Variants in PAK3 observed in about 807,000 individuals in gnomAD.
PAK3 encodes serine/threonine-protein kinase PAK 3.
PAK3 carries 4 observed loss-of-function variants against 41.0 expected under a neutral mutation model. The observed-to-expected ratio is 0.10, with a 90% CI of 0.05 to 0.22. The LOEUF (loss-of-function observed/expected upper bound fraction) is 0.22. Ranked by LOEUF, PAK3 falls within the 10% of genes least tolerant of loss-of-function variation. PAK3 has a pLI of 1.00. For synonymous variants in PAK3, 146 were observed against 139.6 expected, an observed-to-expected ratio of 1.05 and a Z score of -0.32; for missense variants, 205 against 409.9, an observed-to-expected ratio of 0.50 and a Z score of 4.32.
chrX:110,962,616 G>C (rs960308844), intron 1 of PAK3, among the ~76,000 whole-genome samples: 1 of 112,516 alleles, frequency 8.9e-6, no homozygotes, highest in Non-Finnish European at 1.9e-5. Flanking sequence ...ATGCATCCCT[G>C]TGTGTGTTCT....
chrX:111,187,126 C>A (rs1327312862), intron 11 of PAK3, among the ~76,000 whole-genome samples: 2 of 112,079 alleles, frequency 1.8e-5, no homozygotes, highest in African/African-American at 6.5e-5. Context: ...ATACATATAA[C>A]TGCTAATTAA....
At position 111,226,932 on chromosome X, in the gene PAK3, G is replaced by A. The variant is rs970831807; in HGVS notation, c.*6485G>A. ...AGGAGGAGCCAGATCACAGGGTAGT[G>A]ATGTCTACTGGGATTATACTCATAA... On this transcript the variant is annotated 3_prime_UTR_variant, in exon 18 of 18. Transcript: ENST00000372007. 1 of 111,858 alleles carries A rather than the reference G, an allele frequency of 8.9e-6. No homozygotes were observed. The highest frequency in any genetic ancestry group is 1.9e-5 in the Non-Finnish European group (1 of 53,157). The allele number at this position is 111,858 out of a possible 1,213,427, so 9.2% of individuals were successfully genotyped here.
intron 1 of PAK3, among the ~76,000 whole-genome samples, chrX:111,006,852 T>TCTTTCTTTC (rs1265819390): frequency 1.1e-4 from 9 of 84,627 alleles, no homozygotes; most frequent in East Asian, 3.9e-4. Context: ...TTTCTTTCTT[T>TCTTTCTTTC]TTTTTTTTTT....
chrX:110,951,389 T>C (rs1467778560), intron 1 of PAK3, among the ~76,000 whole-genome samples: 2 of 112,623 alleles, frequency 1.8e-5, no homozygotes, highest in Non-Finnish European at 3.7e-5. Flanking sequence ...CAATTAGATA[T>C]CCTTGCACTA....
chrX:111,099,290 A>G (rs2093077170), intron 3 of PAK3, among the ~76,000 whole-genome samples: 1 of 112,008 alleles, frequency 8.9e-6, no homozygotes, highest in African/African-American at 3.2e-5. Context: ...TTAATTGGAA[A>G]TGTTAATCAG....
chrX:111,042,637 T>C (rs776048467), intron 1 of PAK3, among the ~76,000 whole-genome samples: 2 of 111,529 alleles, frequency 1.8e-5, no homozygotes, highest in Non-Finnish European at 3.8e-5. Context: ...ATCAAATGGC[T>C]CTAGACTAAC....
At chrX:111,165,040 T>C (rs960021535) in intron 10 of PAK3, among the ~76,000 whole-genome samples, 1 of 111,410 alleles carries the variant, frequency 9.0e-6, no homozygotes, top group African/African-American at 3.3e-5. Context: ...TAGCATATAA[T>C]GGGTAGAGGC....
chrX:111,216,851 T>G (rs1431863351), intron 17 of PAK3: 8 of 618,680 alleles, frequency 1.3e-5, no homozygotes, highest in Non-Finnish European at 1.5e-5. Context: ...TGTTTTGTTC[T>G]AAACTTTACT....
chrX:111,095,464 T>C (rs917388923), upstream of PAK3, among the ~76,000 whole-genome samples: 2 of 112,298 alleles, frequency 1.8e-5, no homozygotes, highest in Admixed American at 1.9e-4. Flanking sequence ...AGTTAGATTT[T>C]ATAAAGCTTT....
intron 1 of PAK3, among the ~76,000 whole-genome samples, chrX:110,977,757 G>T (rs1276093795): frequency 9.0e-6 from 1 of 111,655 alleles, no homozygotes. Context: ...CTTGTACCCT[G>T]CAACCCTATT....
chrX:111,154,198 G>A (rs1043267834), intron 8 of PAK3, among the ~76,000 whole-genome samples: 2 of 111,613 alleles, frequency 1.8e-5, no homozygotes, highest in Non-Finnish European at 3.8e-5. Context: ...AAGATGAAAA[G>A]AGTTATGGAG....
intron 1 of PAK3, among the ~76,000 whole-genome samples, chrX:110,950,732 T>C (rs1602507368): frequency 8.9e-6 from 1 of 112,361 alleles, no homozygotes; most frequent in East Asian, 2.8e-4. Flanking sequence ...CTGATTATTT[T>C]TACATTATTA....
intron 1 of PAK3, among the ~76,000 whole-genome samples, chrX:110,964,504 C>G (rs1372674753): frequency 3.6e-5 from 4 of 111,982 alleles, no homozygotes; most frequent in Non-Finnish European, 7.5e-5. Context: ...TGGAAATCAT[C>G]TGGCCTATAT....
chrX:111,186,451 A>G (rs1274463815), intron 11 of PAK3, among the ~76,000 whole-genome samples: 1 of 111,857 alleles, frequency 8.9e-6, no homozygotes, highest in African/African-American at 3.2e-5. Context: ...AAGTCTCAGG[A>G]TACAAAATCA....
At chrX:110,978,895 T>C (rs992969763) in intron 1 of PAK3, among the ~76,000 whole-genome samples, 1 of 111,524 alleles carries the variant, frequency 9.0e-6, no homozygotes, top group African/African-American at 3.3e-5. Flanking sequence ...TTGTTGAGAA[T>C]TGGTGTTAAT....
chrX:111,070,011 G>T lies in PAK3; in HGVS notation c.-27-53066G>T, dbSNP rs905278944. ...TTTCTGCCAGATAGCCCTATGCATT[G>T]CATTATCTATTAGTTTTTTTCTGTT... On this transcript the variant is annotated intron_variant, in intron 1 of 14. Coordinates refer to the PAK3 transcript ENST00000425146. Among the ~76,000 whole-genome samples the T allele has an allele frequency of 4.5e-5, 5 of 111,255 alleles. No individual in the cohort carries two copies. In the East Asian group the frequency reaches 1.4e-3, roughly 31 times the overall value.
At chrX:111,214,065 T>C (rs1207399142) in intron 16 of PAK3, among the ~76,000 whole-genome samples, 1 of 111,469 alleles carries the variant, frequency 9.0e-6, no homozygotes, top group Non-Finnish European at 1.9e-5. Flanking sequence ...AAGATGTTCA[T>C]TTCGTAGGGG....
intron 6 of PAK3, among the ~76,000 whole-genome samples, chrX:111,144,436 A>G (rs1186920423): frequency 1.8e-5 from 2 of 111,624 alleles, no homozygotes; most frequent in Admixed American, 1.9e-4. Context: ...TGTGATTTAC[A>G]TTTACTATAT....
At chrX:111,091,323 G>A (rs907050671), upstream of PAK3, among the ~76,000 whole-genome samples, 2 of 111,355 alleles carry the variant, frequency 1.8e-5, no homozygotes, top group African/African-American at 3.3e-5. Context: ...ATGTAAATGC[G>A]ACTCATCAAG....
Sources: allele counts gnomAD v4.1 joint callset (sites outside exome capture counted in the v4.1 genomes callset), GRCh38; gene constraint gnomAD v4.1.1; transcripts MANE v1.5; gene names NCBI Gene and HGNC (gene_info 2026-07-23, HGNC 2026-07-21).